STXBP5L: variants seen among roughly 807,000 people sequenced by gnomAD.
The protein encoded by STXBP5L is syntaxin binding protein 5L, also known as syntaxin-binding protein 5-like.
STXBP5L carries 65 observed loss-of-function variants against 144.5 expected under a neutral mutation model. That is an observed-to-expected ratio of 0.45 (90% confidence interval 0.37 to 0.55). The LOEUF is 0.55. Among genes scored for constraint, STXBP5L ranks in the 20% least tolerant of loss-of-function variants. The pLI is 0.00. For synonymous variants in STXBP5L, 505 were observed against 469.6 expected, an observed-to-expected ratio of 1.08 and a Z score of -0.97; for missense variants, 1,298 against 1,405.5, an observed-to-expected ratio of 0.92 and a Z score of 1.22.
intron 9 of STXBP5L, among the ~76,000 whole-genome samples, chr3:121,179,893 A>G (rs1009766984): frequency 3.3e-5 from 5 of 152,178 alleles, no homozygotes; most frequent in Admixed American, 2.0e-4. Flanking sequence ...AACAAAGAAA[A>G]AAGAATTTTA....
intron 3 of STXBP5L, among the ~76,000 whole-genome samples, chr3:121,001,011 G>A (rs892166810): frequency 6.6e-6 from 1 of 152,178 alleles, no homozygotes; most frequent in African/African-American, 2.4e-5. Context: ...GGGGGGAAGG[G>A]GGTAAGTGTT....
chr3:121,193,515 A>T (rs2047792489), intron 9 of STXBP5L, among the ~76,000 whole-genome samples: 1 of 152,178 alleles, frequency 6.6e-6, no homozygotes, highest in Non-Finnish European at 1.5e-5. Flanking sequence ...ATAAAGAAAC[A>T]TGTACATGTA....
intron 19 of STXBP5L, among the ~76,000 whole-genome samples, chr3:121,299,938 C>T (rs1305745036): frequency 1.4e-5 from 2 of 147,862 alleles, no homozygotes; most frequent in African/African-American, 5.0e-5. Flanking sequence ...CATGATTGCA[C>T]CACTGCACTC....
intron 3 of STXBP5L, among the ~76,000 whole-genome samples, chr3:121,019,155 C>A (rs1408608573): frequency 5.9e-5 from 9 of 152,114 alleles, no homozygotes; most frequent in Non-Finnish European, 1.2e-4. Flanking sequence ...AGCCGTAATC[C>A]CCCCGGAATG....
chr3:121,186,949 C>T (rs2047407973), intron 9 of STXBP5L, among the ~76,000 whole-genome samples: 1 of 152,290 alleles, frequency 6.6e-6, no homozygotes, highest in African/African-American at 2.4e-5. Flanking sequence ...AATAGGAACA[C>T]TTTTACACTG....
At chr3:121,313,638 G>A (rs1210612485) in intron 19 of STXBP5L, among the ~76,000 whole-genome samples, 1 of 84,904 alleles carries the variant, frequency 1.2e-5, no homozygotes, top group Non-Finnish European at 2.4e-5. Context: ...CGGACGGGGC[G>A]GCTGGCCGGG....
rs185443028 is a variant in STXBP5L at position 121,146,643 on chromosome 3, C to T, written c.670-5834C>T. Among the ~76,000 whole-genome samples, 21 of 152,042 alleles carry T rather than the reference C, an allele frequency of 1.4e-4. No individual in the cohort carries two copies. The East Asian group carries it at 4.1e-3, about 29-fold the overall frequency. ...TGTAGAAAAGTTTAACGCAAAACTGCAAAAGGATATAGTATGTAAACCATA... is the reference window on the plus strand; with the variant it reads ...TGTAGAAAAGTTTAACGCAAAACTGTAAAAGGATATAGTATGTAAACCATA... On this transcript the variant is annotated intron_variant, in intron 7 of 26. Coordinates refer to ENST00000471454, the MANE Select transcript of STXBP5L (RefSeq NM_001308330.2).
rs578024484 is a variant in STXBP5L, at chr3:121,341,263, A to G, written c.2176+22723A>G. On this transcript the variant is annotated intron_variant, in intron 20 of 26. Coordinates refer to ENST00000471454, the MANE Select transcript of STXBP5L (RefSeq NM_001308330.2). ...ACTGGAAAACAGGTTTATGTGCTCA[A>G]CAAGCACATAAAGGTGCTCGACATC... is the stretch of plus-strand genomic sequence containing the variant. Among the ~76,000 whole-genome samples the G allele has an allele frequency of 2.0e-5, 3 of 152,328 alleles. No homozygotes were observed. In the South Asian group the frequency reaches 6.2e-4, roughly 32 times the overall value.
intron 20 of STXBP5L, among the ~76,000 whole-genome samples, chr3:121,350,321 G>A (rs1176337512): frequency 6.6e-6 from 1 of 152,184 alleles, no homozygotes; most frequent in Non-Finnish European, 1.5e-5. Context: ...TTTGTGCTGA[G>A]AGATCAGCTG....
chr3:121,095,145 C>T (rs1379518160), intron 5 of STXBP5L, among the ~76,000 whole-genome samples: 1 of 152,130 alleles, frequency 6.6e-6, no homozygotes, highest in African/African-American at 2.4e-5. Context: ...AGAGTTTCTG[C>T]CGAGAGATCC....
intron 9 of STXBP5L, among the ~76,000 whole-genome samples, chr3:121,202,891 T>C (rs1314759213): frequency 6.6e-6 from 1 of 152,074 alleles, no homozygotes; most frequent in Non-Finnish European, 1.5e-5. Context: ...TGGAGTTTAT[T>C]GAAATTCTTA....
rs1022936284 is a variant in STXBP5L at position 121,423,415 on chromosome 3, G to A, written c.*4318G>A. On this transcript the variant is annotated 3_prime_UTR_variant, in exon 27 of 27. Coordinates refer to ENST00000471454, the MANE Select transcript of STXBP5L (RefSeq NM_001308330.2). ...CAACATAGCCCTGAAAGCATGAAAT[G>A]TAGAATAGGTAAGGTCTGTCTTAGA... The A allele has an allele frequency of 1.3e-5, 2 of 152,180 alleles. No homozygotes were observed. The highest frequency in any genetic ancestry group is 2.9e-5 in the Non-Finnish European group (2 of 68,036). 9.4% of individuals were successfully genotyped at this position (152,180 alleles called of 1,614,324 possible).
chr3:121,314,642 C>T (rs1183488602), intron 19 of STXBP5L, among the ~76,000 whole-genome samples: 5 of 151,010 alleles, frequency 3.3e-5, no homozygotes, highest in Admixed American at 1.3e-4. Context: ...AGAGCGTAAG[C>T]GTAAACTAAA....
At position 121,316,630 on chromosome 3, in the gene STXBP5L, T is replaced by A. The variant is rs147339202; in HGVS notation, c.2111-1845T>A. Among the ~76,000 whole-genome samples, 235 of 152,204 alleles carry A rather than the reference T, an allele frequency of 1.5e-3. 2 individuals carry two copies. The highest frequency in any genetic ancestry group is 2.3e-3 in the Non-Finnish European group (155 of 68,028). ...AAAACGATAATTTATATAAAGTATT[T>A]AGCGGAGGATTAGGTACAAAATAAT... On this transcript the variant is annotated intron_variant, in intron 19 of 26. Transcript: ENST00000471454.
In STXBP5L at chr3:121,392,646, C is replaced by T. The variant is rs977707980; in HGVS notation, c.2587+11114C>T. On this transcript the variant is annotated intron_variant, in intron 22 of 26. Transcript: ENST00000471454. ...TCTTTTCCAGCCTTATAGTCTTTGA[C>T]CTTTCACTACATATCCTGGGCCCTA... Among the ~76,000 whole-genome samples, 50 of 151,998 alleles carry T rather than the reference C, an allele frequency of 3.3e-4. 1 individual carries two copies. Among genetic ancestry groups the T allele is most frequent in the Admixed American group, 2.2e-3 (34 of 15,242 alleles).
intron 10 of STXBP5L, among the ~76,000 whole-genome samples, chr3:121,220,325 T>G (rs1408638067): frequency 3.3e-5 from 5 of 152,142 alleles, no homozygotes; most frequent in African/African-American, 4.8e-5. Context: ...TAATGCTTTC[T>G]TTAAGTATGA....
intron 1 of STXBP5L, among the ~76,000 whole-genome samples, chr3:120,908,915 TCTC>T (rs1378034757): frequency 6.6e-6 from 1 of 150,376 alleles, no homozygotes; most frequent in Non-Finnish European, 1.5e-5. Context: ...GTGTCGCCGT[TCTC>T]CTCCTCCCCC....
intron 7 of STXBP5L, among the ~76,000 whole-genome samples, chr3:121,142,260 G>A (rs1249911452): frequency 1.3e-5 from 2 of 151,020 alleles, no homozygotes; most frequent in African/African-American, 2.4e-5. Flanking sequence ...AATATATAAG[G>A]CAAATATTGT....
intron 19 of STXBP5L, among the ~76,000 whole-genome samples, chr3:121,302,694 T>C (rs2051969393): frequency 6.6e-6 from 1 of 152,160 alleles, no homozygotes; most frequent in Non-Finnish European, 1.5e-5. Context: ...TATAGACCAA[T>C]GGAACAGAAC....
Sources: gnomAD v4.1 joint callset for allele counts (sites outside exome capture counted in the v4.1 genomes callset) on GRCh38, gnomAD v4.1.1 for gene constraint, MANE v1.5 for transcripts, NCBI Gene and HGNC (gene_info 2026-07-23, HGNC 2026-07-21) for gene names.